The following SLC41A2 variants were observed in gnomAD, a reference collection of about 807,000 sequenced individuals.
SLC41A2 encodes the protein solute carrier family 41 member 2.
A neutral mutation model predicts 58.3 loss-of-function variants in SLC41A2; 32 were observed. The ratio of observed to expected loss-of-function variants is 0.55; its 90% confidence interval spans 0.41 to 0.74. The LOEUF is 0.74. Ranked by LOEUF, SLC41A2 falls within the 30% of genes least tolerant of loss-of-function variation. The pLI is 0.00. For missense variants in SLC41A2, 514 were observed against 680.6 expected (o/e 0.76, Z 2.72); for synonymous variants, 190 against 235.0 (o/e 0.81, Z 1.75).
At chr12:104,888,680 T>C (rs1688126863) in intron 5 of SLC41A2, among the ~76,000 whole-genome samples, 1 of 152,112 alleles carries the variant, frequency 6.6e-6, no homozygotes, top group South Asian at 2.1e-4. Context: ...GGAACACTTG[T>C]TACTCAAGTG....
intron 10 of SLC41A2, among the ~76,000 whole-genome samples, chr12:104,819,877 A>G (rs1013547444): frequency 6.6e-6 from 1 of 152,210 alleles, no homozygotes; most frequent in Non-Finnish European, 1.5e-5. Context: ...TTTAGTAGGT[A>G]TGAGTTTTCA....
chr12:104,818,602 G>A (rs1341539134), intron 10 of SLC41A2, among the ~76,000 whole-genome samples: 1 of 152,144 alleles, frequency 6.6e-6, no homozygotes, highest in Non-Finnish European at 1.5e-5. Context: ...AGGACAGCCG[G>A]GTGCGGTGGC....
chr12:104,842,649 C>G (rs2042455631), intron 10 of SLC41A2, among the ~76,000 whole-genome samples: 1 of 152,070 alleles, frequency 6.6e-6, no homozygotes, highest in Non-Finnish European at 1.5e-5. Context: ...AACTGAGACA[C>G]AGAGAGACTA....
At chr12:104,903,348 G>A (rs1346058978) in intron 3 of SLC41A2, among the ~76,000 whole-genome samples, 1 of 152,116 alleles carries the variant, frequency 6.6e-6, no homozygotes, top group Non-Finnish European at 1.5e-5. Flanking sequence ...AGGCAAATCC[G>A]TACATAATCT....
At chr12:104,840,867 A>C (rs1263929567) in intron 10 of SLC41A2, among the ~76,000 whole-genome samples, 1 of 152,208 alleles carries the variant, frequency 6.6e-6, no homozygotes, top group African/African-American at 2.4e-5. Flanking sequence ...TTCCAATGCC[A>C]AAGAATTTCA....
rs1019298050 is a variant in SLC41A2 at position 104,853,923 on chromosome 12, T to A, written c.1255+7368A>T. Among the ~76,000 whole-genome samples, 156 of 100,036 alleles carry A rather than the reference T, an allele frequency of 1.6e-3. 1 individual carries two copies. The highest frequency in any genetic ancestry group is 2.2e-3 in the Non-Finnish European group (88 of 40,718). The allele number at this position is 100,036 out of a possible 152,430, so 65.6% of individuals were successfully genotyped here. On this transcript the variant is annotated intron_variant, in intron 8 of 10. Coordinates refer to ENST00000258538, the MANE Select transcript of SLC41A2 (RefSeq NM_001352171.3). Reference sequence around the variant, plus strand: ...CCATGCCTGGCTGATTTTTTTTTTTTTTTTTTTTTTTTTTTTAGTAGAACT... The same window carrying A: ...CCATGCCTGGCTGATTTTTTTTTTTATTTTTTTTTTTTTTTTAGTAGAACT...
intron 8 of SLC41A2, among the ~76,000 whole-genome samples, chr12:104,853,813 G>A (rs906236688): frequency 1.3e-4 from 19 of 150,994 alleles, no homozygotes; most frequent in South Asian, 4.2e-4. Context: ...GTGCAATCAC[G>A]GCTCACCGCA....
chr12:104,852,337 T>C (rs1240832311), intron 8 of SLC41A2, among the ~76,000 whole-genome samples: 1 of 152,228 alleles, frequency 6.6e-6, no homozygotes, highest in Non-Finnish European at 1.5e-5. Context: ...TGGTATTTTA[T>C]TGGATATGGA....
chr12:104,933,890 A>T (rs187514336), intron 1 of SLC41A2, among the ~76,000 whole-genome samples: 1 of 151,486 alleles, frequency 6.6e-6, no homozygotes, highest in East Asian at 2.0e-4. Flanking sequence ...AGGCATACAG[A>T]GTGGTATAAT....
At chr12:104,864,972 A>G (rs2043363781) in intron 7 of SLC41A2, among the ~76,000 whole-genome samples, 1 of 151,802 alleles carries the variant, frequency 6.6e-6, no homozygotes, top group African/African-American at 2.4e-5. Context: ...GCAATCCTTT[A>G]CTGGCTGCCC....
intron 6 of SLC41A2, among the ~76,000 whole-genome samples, chr12:104,870,923 A>G (rs2043738830): frequency 6.6e-6 from 1 of 152,210 alleles, no homozygotes; most frequent in African/African-American, 2.4e-5. Flanking sequence ...TACTCTAGAA[A>G]TCACTCTAAC....
intron 4 of SLC41A2, among the ~76,000 whole-genome samples, chr12:104,893,570 G>A (rs1329684436): frequency 1.3e-5 from 2 of 152,178 alleles, no homozygotes; most frequent in Admixed American, 6.5e-5. Flanking sequence ...GTTTGTTGCA[G>A]CACTATTCAC....
Position 104,928,704 on chromosome 12 carries a change from T to C in SLC41A2, c.-167-10A>G, listed in dbSNP as rs182582984. The C allele has an allele frequency of 6.5e-5, 28 of 430,538 alleles. 1 individual carries two copies. In the Admixed American group the frequency reaches 8.5e-4, roughly 13 times the overall value. 26.7% of individuals were successfully genotyped at this position (430,538 alleles called of 1,614,324 possible). A position where few individuals can be genotyped will look rare whatever the true frequency, so the allele number is the denominator to read the frequency against. On this transcript the variant is annotated splice_polypyrimidine_tract_variant and intron_variant, in intron 1 of 10. Transcript: ENST00000258538. The stretch of plus-strand genomic sequence containing the variant: ...CACAGAAGGACTGGATCTGGAAAAA[T>C]AAAATAATTTTTAAAAATCAGAGAA...
chr12:104,804,889 C>A lies in SLC41A2; in HGVS notation c.*263G>T. The stretch of plus-strand genomic sequence containing the variant: ...TCACTGTAAACATCCTATATTCTTT[C>A]CTAATTAATTTCAGAGCTGGAACTT... On this transcript the variant is annotated 3_prime_UTR_variant, in exon 11 of 11. Transcript: ENST00000258538. 4.0e-6 allele frequency: 1 copy of A among 252,274 alleles called. No individual in the cohort carries two copies. Among genetic ancestry groups the A allele is most frequent in the Non-Finnish European group, 7.5e-6 (1 of 132,458 alleles). 15.6% of individuals were successfully genotyped at this position (252,274 alleles called of 1,614,324 possible). A position where few individuals can be genotyped will look rare whatever the true frequency, so the allele number is the denominator to read the frequency against.
intron 2 of SLC41A2, among the ~76,000 whole-genome samples, chr12:104,912,035 C>T (rs2046110472): frequency 6.6e-6 from 1 of 152,074 alleles, no homozygotes; most frequent in Admixed American, 6.6e-5. Flanking sequence ...ATGTTCCAGG[C>T]ACTGTTCTTT....
chr12:104,952,732 G>T (rs1246867976), intron 1 of SLC41A2, among the ~76,000 whole-genome samples: 1 of 152,030 alleles, frequency 6.6e-6, no homozygotes, highest in Non-Finnish European at 1.5e-5. Context: ...TCACTAATTT[G>T]CTTTCACAAT....
chr12:104,868,219 AT>A (rs1404436449), intron 6 of SLC41A2, among the ~76,000 whole-genome samples: 2 of 152,200 alleles, frequency 1.3e-5, no homozygotes, highest in Non-Finnish European at 2.9e-5. Context: ...GTTAGGAAGC[AT>A]TTCAATCTAC....
rs1236149099 is a variant in SLC41A2, at chr12:104,886,349, T to A, written c.971A>T (p.Asp324Val). The change falls in exon 6 of 11, where the codon GAC becomes GTC. Residue 324 changes from aspartate to valine, a missense_variant. Transcript: ENST00000258538. ...AGCCAATATGGCAAGAGTTATAAGG[T>A]CGCCAAAACTAGCAGCAATGGGTGT... ...VATPIAASFG[D>V]LITLAILAWI... 1 of 1,613,682 alleles carries A rather than the reference T, an allele frequency of 6.2e-7. No homozygotes were observed. Among genetic ancestry groups the A allele is most frequent in the South Asian group, 1.1e-5 (1 of 91,032 alleles).
chr12:104,881,397 A>C (rs142271981), intron 6 of SLC41A2, among the ~76,000 whole-genome samples: 5,812 of 151,992 alleles, frequency 0.038, 154 homozygotes, highest in East Asian at 0.11. Flanking sequence ...TAGTTCTTTT[A>C]ATTGTGATGT....
Sources: gnomAD v4.1 joint callset for allele counts (sites outside exome capture counted in the v4.1 genomes callset) on GRCh38, gnomAD v4.1.1 for gene constraint, MANE v1.5 for transcripts, NCBI Gene and HGNC (gene_info 2026-07-23, HGNC 2026-07-21) for gene names.